The following DLG2 variants were observed in gnomAD, a reference collection of about 807,000 sequenced individuals.
DLG2 encodes discs large MAGUK scaffold protein 2.
Under a neutral mutation model 132.5 loss-of-function variants are expected in DLG2, and 45 were observed. The observed-to-expected ratio is 0.34, with a 90% CI of 0.27 to 0.44. The LOEUF is 0.44. DLG2 is among the 20% of genes least tolerant of loss of function. The pLI, the probability that DLG2 is intolerant of heterozygous loss-of-function variation, is 1.00. For synonymous variants in DLG2, 424 were observed against 419.6 expected, an observed-to-expected ratio of 1.01 and a Z score of -0.13; for missense variants, 1,045 against 1,196.9, an observed-to-expected ratio of 0.87 and a Z score of 1.87.
intron 6 of DLG2, among the ~76,000 whole-genome samples, chr11:85,058,723 G>C (rs2063715151): frequency 6.6e-6 from 1 of 151,402 alleles, no homozygotes; most frequent in Non-Finnish European, 1.5e-5. Context: ...TAGGCCCACT[G>C]ATATAAGGTT....
At chr11:84,695,685 C>T (rs1300329707) in intron 6 of DLG2, among the ~76,000 whole-genome samples, 5 of 151,390 alleles carry the variant, frequency 3.3e-5, no homozygotes, top group Admixed American at 6.6e-5. Context: ...TTATTACACA[C>T]GTATTATGTG....
chr11:84,797,650 G>A (rs1486109907), intron 6 of DLG2, among the ~76,000 whole-genome samples: 1 of 152,146 alleles, frequency 6.6e-6, no homozygotes, highest in Non-Finnish European at 1.5e-5. Context: ...GAATTAGATT[G>A]AGCTTCCTCA....
At chr11:84,714,539 CTCTT>C (rs1489071514) in intron 6 of DLG2, among the ~76,000 whole-genome samples, 2 of 107,930 alleles carry the variant, frequency 1.9e-5, no homozygotes, top group Admixed American at 1.8e-4. Flanking sequence ...CTTTCTCTTT[CTCTT>C]TCTCTTTCTC....
chr11:84,313,952 G>C (rs181425229), intron 7 of DLG2, among the ~76,000 whole-genome samples: 6 of 152,332 alleles, frequency 3.9e-5, no homozygotes, highest in Admixed American at 3.9e-4. Context: ...CAAATGGAAT[G>C]AAAACTTATT....
intron 8 of DLG2, chr11:84,166,907 A>G (rs1433529978): frequency 1.9e-6 from 1 of 532,826 alleles, no homozygotes; most frequent in Non-Finnish European, 3.8e-6. Context: ...AGTTCGGCCG[A>G]ATACATTTTT....
chr11:84,241,488 AG>A (rs533958758), intron 8 of DLG2, among the ~76,000 whole-genome samples: 46 of 152,290 alleles, frequency 3.0e-4, no homozygotes, highest in Non-Finnish European at 5.9e-4. Flanking sequence ...GAGATAAGCA[AG>A]GCGTGTTTAA....
At chr11:84,253,551 G>A (rs1388284869) in intron 7 of DLG2, among the ~76,000 whole-genome samples, 1 of 152,136 alleles carries the variant, frequency 6.6e-6, no homozygotes, top group Non-Finnish European at 1.5e-5. Flanking sequence ...AGATCTCAAT[G>A]CTATGTTGGT....
chr11:84,847,186 G>C lies in DLG2; in HGVS notation c.357+264475C>G, dbSNP rs1335803974. On this transcript the variant is annotated intron_variant, in intron 6 of 27. Transcript: ENST00000376104. The stretch of plus-strand genomic sequence containing the variant: ...CCGAAACAAAAATATAAAATATATA[G>C]CATTGGCTTTGGAACCGGATAGCAT... Among the ~76,000 whole-genome samples, 4 of 152,238 alleles carry C rather than the reference G, an allele frequency of 2.6e-5. No individual in the cohort carries two copies. The East Asian group carries it at 7.7e-4, about 29-fold the overall frequency.
intron 7 of DLG2, among the ~76,000 whole-genome samples, chr11:84,493,374 G>C (rs1201402133): frequency 6.6e-6 from 1 of 152,008 alleles, no homozygotes; most frequent in Non-Finnish European, 1.5e-5. Flanking sequence ...AAGTAGTGGT[G>C]GGTTTTGTAA....
intron 7 of DLG2, among the ~76,000 whole-genome samples, chr11:84,290,691 A>C (rs1391492653): frequency 6.6e-6 from 1 of 152,120 alleles, no homozygotes; most frequent in Non-Finnish European, 1.5e-5. Context: ...AGAGATATTG[A>C]GTAACATAAC....
At chr11:83,682,278 A>G (rs778266863) in intron 18 of DLG2, 75 of 985,272 alleles carry the variant, frequency 7.6e-5, no homozygotes, top group Non-Finnish European at 8.2e-5. Flanking sequence ...CTTTATAACT[A>G]AGACTCTGAC....
At chr11:84,673,915 G>A (rs1443056742) in intron 6 of DLG2, among the ~76,000 whole-genome samples, 2 of 152,070 alleles carry the variant, frequency 1.3e-5, no homozygotes, top group African/African-American at 4.8e-5. Flanking sequence ...TGCAAATGCT[G>A]GCTTGCTGTC....
intron 3 of DLG2, among the ~76,000 whole-genome samples, chr11:85,537,833 G>A (rs1203415523): frequency 5.9e-5 from 9 of 151,900 alleles, no homozygotes; most frequent in South Asian, 2.1e-4. Flanking sequence ...ACTGTAACAC[G>A]CGGCCAGGCG....
At chr11:83,463,560 AG>A (rs1479432919) in intron 26 of DLG2, among the ~76,000 whole-genome samples, 1 of 152,204 alleles carries the variant, frequency 6.6e-6, no homozygotes. Flanking sequence ...AGGCTGAGGC[AG>A]GTGGATCACT....
intron 7 of DLG2, among the ~76,000 whole-genome samples, chr11:84,331,154 A>T (rs1302480277): frequency 6.6e-6 from 1 of 152,146 alleles, no homozygotes; most frequent in Non-Finnish European, 1.5e-5. Context: ...TGTATACTCC[A>T]TTTCTTCTGG....
chr11:83,544,358 A>G (rs964246777), intron 19 of DLG2, among the ~76,000 whole-genome samples: 1 of 152,196 alleles, frequency 6.6e-6, no homozygotes, highest in Non-Finnish European at 1.5e-5. Flanking sequence ...TAGATTGCAA[A>G]GCATTTTCAC....
intron 3 of DLG2, among the ~76,000 whole-genome samples, chr11:85,419,422 G>A (rs551395232): frequency 1.6e-4 from 25 of 152,254 alleles, no homozygotes; most frequent in Admixed American, 1.2e-3. Context: ...TCTTCTTGAG[G>A]AGTATCTTTG....
chr11:83,520,732 T>TAGATAGATAGATAGATAGAC (rs1384603040), intron 21 of DLG2, among the ~76,000 whole-genome samples: 18 of 139,434 alleles, frequency 1.3e-4, no homozygotes, highest in African/African-American at 4.9e-4. Flanking sequence ...GATAGATAGA[T>TAGATAGATAGATAGATAGAC]AGATAGAGTG....
At chr11:84,220,402 A>C (rs1371077359) in intron 8 of DLG2, among the ~76,000 whole-genome samples, 1 of 152,198 alleles carries the variant, frequency 6.6e-6, no homozygotes, top group African/African-American at 2.4e-5. Flanking sequence ...AGGTTTTCTA[A>C]TTACCTTAAT....
Sources: gnomAD v4.1 joint callset for allele counts (sites outside exome capture counted in the v4.1 genomes callset) on GRCh38, gnomAD v4.1.1 for gene constraint, MANE v1.5 for transcripts, NCBI Gene and HGNC (gene_info 2026-07-23, HGNC 2026-07-21) for gene names.